Variants in PAK1 observed in about 807,000 individuals in gnomAD.
PAK1 encodes the protein serine/threonine-protein kinase PAK 1.
Under a neutral mutation model 67.4 loss-of-function variants are expected in PAK1, and 29 were observed. That is an observed-to-expected ratio of 0.43 (90% CI 0.32 to 0.59). The LOEUF (loss-of-function observed/expected upper bound fraction) is 0.59, where lower values mean the gene tolerates loss of function less well. Among genes scored for constraint, PAK1 ranks in the 20% least tolerant of loss-of-function variants. The probability of loss-of-function intolerance (pLI) is 0.07; values close to 1 mark genes in which losing one functional copy is unlikely to be tolerated. For synonymous variants in PAK1, 223 were observed against 237.4 expected, an observed-to-expected ratio of 0.94 and a Z score of 0.56; for missense variants, 337 against 670.7, an observed-to-expected ratio of 0.50 and a Z score of 5.50.
chr11:77,324,750 TACACACACACAC>T lies in PAK1; in HGVS notation c.1552-1402_1552-1391del, dbSNP rs142981945. ...TGATTAGTCATATTGTATATATGTA[TACACACACACAC>T]ACACACACACACACAGAGAGAGAGA... On this transcript the variant is annotated intron_variant, in intron 14 of 14. Coordinates refer to ENST00000356341, the MANE Select transcript of PAK1 (RefSeq NM_002576.5). 9.9e-5 allele frequency among the ~76,000 whole-genome samples: 14 copies of T among 140,800 alleles called. No homozygotes were observed. In the East Asian group the frequency reaches 1.5e-3, roughly 15 times the overall value. 92.4% of individuals were successfully genotyped at this position (140,800 alleles called of 152,430 possible).
At chr11:77,399,245 A>C (rs1006299619) in intron 1 of PAK1, among the ~76,000 whole-genome samples, 3 of 152,234 alleles carry the variant, frequency 2.0e-5, no homozygotes, top group African/African-American at 7.2e-5. Flanking sequence ...AGTTAGCAGA[A>C]GGCAGAACCT....
intron 1 of PAK1, among the ~76,000 whole-genome samples, chr11:77,471,706 A>G (rs1957863815): frequency 6.6e-6 from 1 of 152,200 alleles, no homozygotes; most frequent in Non-Finnish European, 1.5e-5. Context: ...TATCTTCAGA[A>G]TATGAAGAGT....
At chr11:77,470,358 T>C (rs1385341353) in intron 1 of PAK1, among the ~76,000 whole-genome samples, 1 of 152,188 alleles carries the variant, frequency 6.6e-6, no homozygotes, top group Non-Finnish European at 1.5e-5. Context: ...TACCACCTTT[T>C]TTCATCCCTC....
chr11:77,346,615 A>G (rs1944459849), intron 9 of PAK1, among the ~76,000 whole-genome samples: 1 of 152,358 alleles, frequency 6.6e-6, no homozygotes, highest in Non-Finnish European at 1.5e-5. Flanking sequence ...TGGTAATCAC[A>G]GTAATAACAG....
rs1196455789 is a variant in PAK1, at chr11:77,469,491, TC to T, written c.-22+4060del. ...AGTCATTATTTTAATTGCTTCATGA[TC>T]CTGTAAACTAGTCGTAGCAACTATT... On this transcript the variant is annotated intron_variant, in intron 1 of 14. Transcript: ENST00000356341. Among the ~76,000 whole-genome samples the T allele has an allele frequency of 3.1e-4, 47 of 152,214 alleles. 1 individual carries two copies. The highest frequency in any genetic ancestry group is 3.1e-3 in the Admixed American group (47 of 15,284).
At chr11:77,521,543 T>C in the PAK1 span, among the ~76,000 whole-genome samples, 2 of 149,130 alleles carry the variant, frequency 1.3e-5, no homozygotes, top group Admixed American at 1.3e-4. Context: ...AAAAAAAAAA[T>C]GTGTCAGGAG....
Position 77,340,638 on chromosome 11 carries a change from G to T in PAK1, c.1116+8C>A, listed in dbSNP as rs2725832. The T allele has an allele frequency of 4.8e-6, 7 of 1,445,276 alleles. No homozygotes were observed. Among genetic ancestry groups the T allele is most frequent in the South Asian group, 1.1e-5 (1 of 87,630 alleles). 89.5% of individuals were successfully genotyped at this position (1,445,276 alleles called of 1,614,324 possible). A position where few individuals can be genotyped will look rare whatever the true frequency, so the allele number is the denominator to read the frequency against. On this transcript the variant is annotated splice_region_variant and intron_variant, in intron 11 of 14. Coordinates refer to ENST00000356341, the MANE Select transcript of PAK1 (RefSeq NM_002576.5). ...TTCTACCCAAGACTGCTTGGCCCTT[G>T]GCCTTACCTCACGGCACACAGCTGC...
chr11:77,489,660 G>T, the PAK1 span, among the ~76,000 whole-genome samples: 1 of 151,802 alleles, frequency 6.6e-6, no homozygotes, highest in African/African-American at 2.4e-5. Flanking sequence ...TGTGTTGGCC[G>T]GGCTGGTCTC....
intron 7 of PAK1, 126 bp from the exon 8 acceptor site, chr11:77,353,725 C>T: frequency 1.4e-6 from 1 of 702,648 alleles, no homozygotes; most frequent in Non-Finnish European, 2.5e-6. Flanking sequence ...AAAAAGCATG[C>T]TAAACAGGCC....
the PAK1 span, among the ~76,000 whole-genome samples, chr11:77,518,051 C>A: frequency 1.3e-4 from 20 of 152,210 alleles, no homozygotes; most frequent in Admixed American, 1.3e-3. Flanking sequence ...ACTCTGCCCA[C>A]TTTTAACAGG....
intron 1 of PAK1, among the ~76,000 whole-genome samples, chr11:77,426,354 G>A (rs1159504730): frequency 6.6e-6 from 1 of 152,048 alleles, no homozygotes; most frequent in African/African-American, 2.4e-5. Context: ...TTAGGTTGAT[G>A]ACTCCCACCT....
the PAK1 span, among the ~76,000 whole-genome samples, chr11:77,523,544 C>T: frequency 3.3e-5 from 5 of 151,816 alleles, no homozygotes; most frequent in South Asian, 2.1e-4. Flanking sequence ...CTCAGCCTCC[C>T]GAGTAGCTGG....
chr11:77,394,726 T>C (rs761357889), intron 1 of PAK1, among the ~76,000 whole-genome samples: 1 of 152,060 alleles, frequency 6.6e-6, no homozygotes, highest in Non-Finnish European at 1.5e-5. Flanking sequence ...GCGCCTGTAG[T>C]CCCAGCTACT....
chr11:77,451,496 T>C (rs552066724), intron 1 of PAK1, among the ~76,000 whole-genome samples: 60 of 152,358 alleles, frequency 3.9e-4, no homozygotes, highest in African/African-American at 1.3e-3. Flanking sequence ...ATACACAAGT[T>C]TGCCTGTTTC....
intron 1 of PAK1, among the ~76,000 whole-genome samples, chr11:77,467,574 A>G (rs1352663010): frequency 6.6e-6 from 1 of 152,254 alleles, no homozygotes; most frequent in Non-Finnish European, 1.5e-5. Flanking sequence ...TTTGCATATC[A>G]GAATCACCTA....
intron 4 of PAK1, among the ~76,000 whole-genome samples, chr11:77,377,195 A>G (rs1369398941): frequency 1.3e-5 from 2 of 152,174 alleles, no homozygotes; most frequent in African/African-American, 4.8e-5. Flanking sequence ...GAATCACCTG[A>G]GCCCAGGAGG....
chr11:77,440,801 G>A (rs1199210585), intron 1 of PAK1, among the ~76,000 whole-genome samples: 2 of 152,142 alleles, frequency 1.3e-5, no homozygotes, highest in South Asian at 2.1e-4. Context: ...GACCTTCTAA[G>A]CTGCTGGAAG....
chr11:77,514,844 G>GCAAGGTGTATATTGGCTCCATTT, the PAK1 span: 3 of 152,000 alleles, frequency 2.0e-5, no homozygotes, highest in African/African-American at 7.3e-5. Context: ...TAACAATCCT[G>GCAAGGTGTATATTGGCTCCATTT]CACAGGTGCA....
chr11:77,421,380 C>T (rs952187623), intron 1 of PAK1, among the ~76,000 whole-genome samples: 21 of 152,218 alleles, frequency 1.4e-4, no homozygotes, highest in African/African-American at 5.1e-4. Context: ...ATAATTCTTC[C>T]CTAACCAATC....
Sources: gnomAD v4.1 joint callset for allele counts (sites outside exome capture counted in the v4.1 genomes callset) on GRCh38, gnomAD v4.1.1 for gene constraint, MANE v1.5 for transcripts, NCBI Gene and HGNC (gene_info 2026-07-23, HGNC 2026-07-21) for gene names.